MYT1L: variants seen among roughly 807,000 people sequenced by gnomAD.
MYT1L encodes the protein myelin transcription factor 1-like protein.
In MYT1L, 12 loss-of-function variants were observed where a neutral mutation model predicts 126.7. That is an observed-to-expected ratio of 0.09 (90% confidence interval 0.06 to 0.15). The LOEUF (loss-of-function observed/expected upper bound fraction) is 0.15, where lower values mean the gene tolerates loss of function less well. Among genes scored for constraint, MYT1L ranks in the 10% least tolerant of loss-of-function variants. The pLI is 1.00. For synonymous variants in MYT1L, 541 were observed against 604.2 expected (o/e 0.90, Z 1.53); for missense variants, 979 against 1,585.2 (o/e 0.62, Z 6.49).
chr2:1,991,934 G>A (rs2149572568), intron 5 of MYT1L, among the ~76,000 whole-genome samples: 1 of 152,164 alleles, frequency 6.6e-6, no homozygotes, highest in Middle Eastern at 3.4e-3. Flanking sequence ...CCTCTCAGAG[G>A]ACATCATAGC....
At chr2:1,872,797 G>A (rs1264995352) in intron 18 of MYT1L, among the ~76,000 whole-genome samples, 1 of 152,172 alleles carries the variant, frequency 6.6e-6, no homozygotes, top group Non-Finnish European at 1.5e-5. Context: ...TGTAATAAAT[G>A]CTTATACAGC....
chr2:1,808,983 G>A, intron 22 of MYT1L, 93 bp downstream of exon 22: 1 of 1,094,298 alleles, frequency 9.1e-7, no homozygotes, highest in East Asian at 2.4e-5. Flanking sequence ...TAAGAAAAGT[G>A]AGCTGTAACT....
chr2:2,102,827 T>A (rs1260567112), intron 3 of MYT1L, among the ~76,000 whole-genome samples: 1 of 151,972 alleles, frequency 6.6e-6, no homozygotes, highest in Non-Finnish European at 1.5e-5. Context: ...CCACACCTAT[T>A]AGAATAGCCA....
chr2:2,247,074 C>T (rs1045022398), intron 2 of MYT1L, among the ~76,000 whole-genome samples: 1 of 152,122 alleles, frequency 6.6e-6, no homozygotes, highest in African/African-American at 2.4e-5. Flanking sequence ...GGATTAAACT[C>T]TCCAATCAAA....
chr2:2,250,109 T>A (rs2094607678), intron 2 of MYT1L, among the ~76,000 whole-genome samples: 1 of 152,076 alleles, frequency 6.6e-6, no homozygotes, highest in African/African-American at 2.4e-5. Context: ...AGAGAACAGT[T>A]TGAAAGTTTC....
At chr2:1,908,671 T>C (rs1236526272) in intron 13 of MYT1L, among the ~76,000 whole-genome samples, 3 of 152,164 alleles carry the variant, frequency 2.0e-5, no homozygotes, top group African/African-American at 7.2e-5. Flanking sequence ...TCTGTTTTAT[T>C]GGGTGGGGGT....
intron 4 of MYT1L, among the ~76,000 whole-genome samples, chr2:2,027,311 T>C (rs114577275): frequency 0.032 from 4,931 of 152,236 alleles, 134 homozygotes; most frequent in Non-Finnish European, 0.05. Flanking sequence ...CAGCTGCACG[T>C]GGAGCACCCT....
intron 2 of MYT1L, among the ~76,000 whole-genome samples, chr2:2,199,332 C>A (rs775819226): frequency 6.6e-6 from 1 of 152,144 alleles, no homozygotes; most frequent in Non-Finnish European, 1.5e-5. Context: ...AAAAATTGTG[C>A]GGGACAGACT....
At chr2:2,301,464 T>C (rs1413181801) in intron 1 of MYT1L, among the ~76,000 whole-genome samples, 2 of 152,052 alleles carry the variant, frequency 1.3e-5, no homozygotes, top group Admixed American at 1.3e-4. Flanking sequence ...CAGCATTTCG[T>C]TATAAGAGAA....
At chr2:1,905,845 T>C (rs2050980907) in intron 13 of MYT1L, among the ~76,000 whole-genome samples, 1 of 152,234 alleles carries the variant, frequency 6.6e-6, no homozygotes, top group Admixed American at 6.5e-5. Context: ...AATATTTTGA[T>C]TGTTCTCCCT....
intron 5 of MYT1L, among the ~76,000 whole-genome samples, chr2:1,984,701 G>C (rs985748058): frequency 2.6e-5 from 4 of 151,566 alleles, no homozygotes; most frequent in Non-Finnish European, 4.4e-5. Flanking sequence ...AGTAGAGACA[G>C]GGTTTCACCG....
chr2:2,137,853 C>T (rs984654840), intron 3 of MYT1L, among the ~76,000 whole-genome samples: 3 of 152,128 alleles, frequency 2.0e-5, no homozygotes, highest in African/African-American at 4.8e-5. Context: ...TCTAATTAAA[C>T]TAAAGAGCTT....
intron 21 of MYT1L, among the ~76,000 whole-genome samples, chr2:1,822,437 G>A (rs2148154021): frequency 6.6e-6 from 1 of 152,304 alleles, no homozygotes; most frequent in Middle Eastern, 3.4e-3. Context: ...GTGTGGGTTG[G>A]GTCTGTTTCC....
In MYT1L at chr2:1,979,078, C is replaced by T. The variant is rs79450527; in HGVS notation, c.152+87G>A. ...TAATGTGTATTGCTTTCCAAGAACA[C>T]CTGCTCACACAGTTCATCATCAGGA... On this transcript the variant is annotated intron_variant, in intron 8 of 24. Coordinates refer to ENST00000647738, the MANE Select transcript of MYT1L (RefSeq NM_001303052.2). The surrounding 1 kb of genome is among the most constrained non-coding windows in gnomAD (Gnocchi z 4.0). 9.4e-7 allele frequency: 1 copy of T among 1,058,546 alleles called. No individual in the cohort carries two copies. The highest frequency in any genetic ancestry group is 1.4e-6 in the Non-Finnish European group (1 of 702,674). 65.6% of individuals were successfully genotyped at this position (1,058,546 alleles called of 1,614,324 possible).
At chr2:1,820,043 A>G (rs923276925) in intron 21 of MYT1L, among the ~76,000 whole-genome samples, 31 of 149,974 alleles carry the variant, frequency 2.1e-4, no homozygotes, top group African/African-American at 5.6e-4. Flanking sequence ...GGGGGGGGCC[A>G]GCGAGGAAGC....
At chr2:2,297,982 C>T (rs1481039347) in intron 1 of MYT1L, among the ~76,000 whole-genome samples, 1 of 152,216 alleles carries the variant, frequency 6.6e-6, no homozygotes, top group African/African-American at 2.4e-5. Flanking sequence ...AAGCTGGCTT[C>T]ACAGCTGGGG....
At chr2:1,885,533 C>T (rs1386694379) in intron 18 of MYT1L, 1 of 152,666 alleles carries the variant, frequency 6.6e-6, no homozygotes, top group African/African-American at 2.4e-5. Flanking sequence ...GAAGCCTACA[C>T]TTTGCAATAG....
At chr2:1,815,441 A>G (rs1342079275) in intron 21 of MYT1L, among the ~76,000 whole-genome samples, 1 of 152,206 alleles carries the variant, frequency 6.6e-6, no homozygotes, top group Non-Finnish European at 1.5e-5. Context: ...CTACCCCAGC[A>G]GGGTCATCCC....
intron 3 of MYT1L, among the ~76,000 whole-genome samples, chr2:2,067,428 T>G: frequency 6.6e-6 from 1 of 152,128 alleles, no homozygotes; most frequent in Non-Finnish European, 1.5e-5. Flanking sequence ...TAAGATGGAT[T>G]AAGGAGTTAA....
Sources: gnomAD v4.1 joint callset for allele counts (sites outside exome capture counted in the v4.1 genomes callset) on GRCh38, gnomAD v4.1.1 for gene constraint, Gnocchi (gnomAD v3.1) non-coding constraint, MANE v1.5 for transcripts, NCBI Gene and HGNC (gene_info 2026-07-23, HGNC 2026-07-21) for gene names.